SDK1: variants seen among roughly 807,000 people sequenced by gnomAD.
SDK1 encodes protein sidekick-1.
SDK1 carries 157 observed loss-of-function variants against 245.5 expected under a neutral mutation model. The ratio of observed to expected loss-of-function variants is 0.64; its 90% CI spans 0.56 to 0.73. SDK1 has a LOEUF of 0.73. Among genes scored for constraint, SDK1 ranks in the 30% least tolerant of loss-of-function variants. The probability of loss-of-function intolerance (pLI) is 0.00; values close to 1 mark genes in which losing one functional copy is unlikely to be tolerated. For missense variants in SDK1, 3,583 were observed against 3,002.3 expected (o/e 1.19, Z -4.52); for synonymous variants, 1,647 against 1,278.5 (o/e 1.29, Z -6.15).
rs545360466 is a variant in SDK1, at chr7:4,146,983, G to A, written c.4423+1067G>A. On this transcript the variant is annotated intron_variant, in intron 29 of 44. Coordinates refer to ENST00000404826, the MANE Select transcript of SDK1 (RefSeq NM_152744.4). Reference sequence around the variant, plus strand: ...AAGTCTATAGTGGGCGCCCTTCTCAGTGGGCTCCGCGCATGTCCTCGGGCC... The same window carrying A: ...AAGTCTATAGTGGGCGCCCTTCTCAATGGGCTCCGCGCATGTCCTCGGGCC... Among the ~76,000 whole-genome samples the A allele has an allele frequency of 5.4e-4, 83 of 152,342 alleles. 1 individual carries two copies. Among genetic ancestry groups the A allele is most frequent in the African/African-American group, 1.9e-3 (80 of 41,590 alleles).
intron 1 of SDK1, among the ~76,000 whole-genome samples, chr7:3,430,014 G>A (rs1299454472): frequency 1.3e-5 from 2 of 152,232 alleles, no homozygotes; most frequent in Admixed American, 1.3e-4. Flanking sequence ...TGCAGTCACT[G>A]TGTGACATAT....
At chr7:3,698,765 C>T (rs967295481) in intron 4 of SDK1, among the ~76,000 whole-genome samples, 4 of 152,162 alleles carry the variant, frequency 2.6e-5, no homozygotes, top group Non-Finnish European at 5.9e-5. Flanking sequence ...AGAGAACAAA[C>T]TCTCTGGTGT....
chr7:4,233,735 A>T (rs1030541250), intron 41 of SDK1, among the ~76,000 whole-genome samples: 1 of 152,006 alleles, frequency 6.6e-6, no homozygotes, highest in African/African-American at 2.4e-5. Flanking sequence ...GGGTGGGGAG[A>T]GCAGTGCCAG....
intron 1 of SDK1, among the ~76,000 whole-genome samples, chr7:3,554,195 C>G (rs1039285620): frequency 7.2e-5 from 11 of 152,130 alleles, no homozygotes; most frequent in African/African-American, 2.7e-4. Flanking sequence ...ACCAAGACGG[C>G]GCACATCCTG....
At chr7:3,332,567 T>C (rs1165553222) in intron 1 of SDK1, among the ~76,000 whole-genome samples, 1 of 152,330 alleles carries the variant, frequency 6.6e-6, no homozygotes, top group East Asian at 1.9e-4. Context: ...ACAACTTTTA[T>C]TGCCATTTAT....
intron 1 of SDK1, among the ~76,000 whole-genome samples, chr7:3,425,877 AAAGAT>A (rs1383881197): frequency 9.2e-5 from 14 of 152,174 alleles, no homozygotes; most frequent in Admixed American, 6.5e-4. Context: ...TCTAAAAACA[AAAGAT>A]AAGAGACAAT....
chr7:4,036,864 T>C (rs1788258813), intron 17 of SDK1, among the ~76,000 whole-genome samples: 1 of 152,162 alleles, frequency 6.6e-6, no homozygotes, highest in Non-Finnish European at 1.5e-5. Context: ...ATGTTTGTTG[T>C]TTATGTGCTA....
chr7:3,853,944 G>A (rs979116011), intron 5 of SDK1, among the ~76,000 whole-genome samples: 6 of 151,992 alleles, frequency 3.9e-5, no homozygotes, highest in Admixed American at 3.9e-4. Context: ...AGCCGAGATT[G>A]CACCACTGCA....
intron 28 of SDK1, among the ~76,000 whole-genome samples, chr7:4,144,424 G>T (rs935602831): frequency 6.6e-5 from 10 of 152,130 alleles, no homozygotes; most frequent in African/African-American, 2.2e-4. Flanking sequence ...ACAGGGCAGG[G>T]CGTGTGTCCC....
Position 4,065,492 on chromosome 7 carries a change from C to T in SDK1, c.2912-2346C>T, listed in dbSNP as rs184484343. 2.5e-3 allele frequency among the ~76,000 whole-genome samples: 380 copies of T among 152,240 alleles called. 1 individual carries two copies. Among genetic ancestry groups the T allele is most frequent in the African/African-American group, 8.6e-3 (358 of 41,540 alleles). On this transcript the variant is annotated intron_variant, in intron 19 of 44. Transcript: ENST00000404826. ...AAGGAGCAAAAAGGTTTCTTTCCTT[C>T]TCCATCGATTGAAAAAAGAACAAGT...
At chr7:3,958,572 G>A (rs543924735) in intron 7 of SDK1, among the ~76,000 whole-genome samples, 2 of 152,332 alleles carry the variant, frequency 1.3e-5, no homozygotes, top group South Asian at 4.1e-4. Context: ...AGCTTCACGA[G>A]CTCGTGTTTA....
At chr7:3,986,637 A>G (rs1458327086) in intron 13 of SDK1, among the ~76,000 whole-genome samples, 1 of 152,164 alleles carries the variant, frequency 6.6e-6, no homozygotes, top group African/African-American at 2.4e-5. Flanking sequence ...AAGGCGGGTG[A>G]ATCACAAGGT....
chr7:3,971,394 C>T, intron 11 of SDK1, 72 bp from the exon 12 acceptor site: 1 of 977,174 alleles, frequency 1.0e-6, no homozygotes, highest in Non-Finnish European at 1.6e-6. Flanking sequence ...ATGACCAGGG[C>T]ATTATCCCCC....
intron 4 of SDK1, among the ~76,000 whole-genome samples, chr7:3,789,068 G>T (rs1157097852): frequency 6.6e-6 from 1 of 152,222 alleles, no homozygotes; most frequent in Non-Finnish European, 1.5e-5. Flanking sequence ...TGATAATACT[G>T]TTTGTCAAGG....
intron 20 of SDK1, among the ~76,000 whole-genome samples, chr7:4,071,292 T>C (rs1430387317): frequency 5.3e-5 from 8 of 152,204 alleles, no homozygotes; most frequent in Non-Finnish European, 7.3e-5. Flanking sequence ...CCCAAAGTGC[T>C]GGGATTACTG....
intron 5 of SDK1, among the ~76,000 whole-genome samples, chr7:3,904,808 A>G (rs924412603): frequency 1.3e-5 from 2 of 152,134 alleles, no homozygotes; most frequent in Non-Finnish European, 2.9e-5. Flanking sequence ...CCTGGAGAAC[A>G]CAATAGAATC....
intron 1 of SDK1, among the ~76,000 whole-genome samples, chr7:3,580,958 G>C (rs1322637389): frequency 1.0e-5 from 1 of 96,164 alleles, no homozygotes; most frequent in Non-Finnish European, 1.8e-5. Context: ...TATAGGGCAA[G>C]ACTCCATCTC....
intron 5 of SDK1, among the ~76,000 whole-genome samples, chr7:3,914,591 G>A (rs1288794573): frequency 6.6e-6 from 1 of 152,204 alleles, no homozygotes; most frequent in Non-Finnish European, 1.5e-5. Flanking sequence ...AGCTAGGGAA[G>A]TTCAAAGGCT....
intron 1 of SDK1, among the ~76,000 whole-genome samples, chr7:3,317,556 C>G (rs4722674): frequency 0.6 from 91,547 of 151,362 alleles, 28,517 homozygotes; most frequent in African/African-American, 0.78. Context: ...GAGGGCGCTT[C>G]CTTCTGCCTA....
Sources: gnomAD v4.1 joint callset for allele counts (sites outside exome capture counted in the v4.1 genomes callset) on GRCh38, gnomAD v4.1.1 for gene constraint, MANE v1.5 for transcripts, NCBI Gene and HGNC (gene_info 2026-07-23, HGNC 2026-07-21) for gene names.